The following RAB38 variants were observed in gnomAD, a reference collection of about 807,000 sequenced individuals.
RAB38 encodes the protein RAB38, member RAS oncogene family, also known as ras-related protein Rab-38.
A neutral mutation model predicts 18.4 loss-of-function variants in RAB38; 15 were observed. The ratio of observed to expected loss-of-function variants is 0.82; its 90% CI spans 0.55 to 1.26. RAB38 has a LOEUF of 1.26. RAB38 is among the 50% of genes most tolerant of loss of function. The pLI is 0.00. For missense variants in RAB38, 294 were observed against 267.4 expected, an observed-to-expected ratio of 1.10 and a Z score of -0.69; for synonymous variants, 101 against 104.4, an observed-to-expected ratio of 0.97 and a Z score of 0.20.
At chr11:88,145,045 G>A (rs1242100513) in intron 2 of RAB38, among the ~76,000 whole-genome samples, 2 of 152,140 alleles carry the variant, frequency 1.3e-5, no homozygotes, top group Non-Finnish European at 2.9e-5. Context: ...CGTATGGGCT[G>A]TGGGTAGAGA....
At chr11:87,930,249 T>C in the RAB38 span, among the ~76,000 whole-genome samples, 1 of 152,210 alleles carries the variant, frequency 6.6e-6, no homozygotes, top group African/African-American at 2.4e-5. Context: ...TTTTTAATGA[T>C]CGCCATTCTA....
intron 2 of RAB38, among the ~76,000 whole-genome samples, chr11:88,131,210 T>G (rs1284943823): frequency 6.6e-6 from 1 of 152,204 alleles, no homozygotes; most frequent in Non-Finnish European, 1.5e-5. Flanking sequence ...TAGTTCACCA[T>G]AGAAATCCTT....
chr11:87,880,951 G>T, the RAB38 span, among the ~76,000 whole-genome samples: 20 of 151,928 alleles, frequency 1.3e-4, no homozygotes, highest in African/African-American at 4.3e-4. Flanking sequence ...ATCAACTAGT[G>T]CTGAGTGCTA....
the RAB38 span, among the ~76,000 whole-genome samples, chr11:87,869,753 C>T: frequency 1.3e-5 from 2 of 151,594 alleles, no homozygotes; most frequent in East Asian, 3.9e-4. Flanking sequence ...ATCCCATCTA[C>T]ACAACACAGC....
At chr11:87,903,087 T>C in the RAB38 span, among the ~76,000 whole-genome samples, 1 of 151,314 alleles carries the variant, frequency 6.6e-6, no homozygotes, top group Non-Finnish European at 1.5e-5. Context: ...CCTAATTACA[T>C]TAACTAGAAT....
At chr11:87,857,954 A>G in the RAB38 span, among the ~76,000 whole-genome samples, 1 of 152,254 alleles carries the variant, frequency 6.6e-6, no homozygotes, top group East Asian at 1.9e-4. Context: ...TATGTCCTGA[A>G]TGCTATTGCC....
At chr11:88,103,906 C>T in the RAB38 span, among the ~76,000 whole-genome samples, 1 of 152,090 alleles carries the variant, frequency 6.6e-6, no homozygotes, top group Non-Finnish European at 1.5e-5. Flanking sequence ...AGACAAGTGT[C>T]CTTCCTTACC....
chr11:87,820,050 T>TTTAATTTTTTTTTTACATTA, the RAB38 span, among the ~76,000 whole-genome samples: 1 of 152,066 alleles, frequency 6.6e-6, no homozygotes. Context: ...TAAAAATAAG[T>TTTAATTTTTTTTTTACATTA]TTACATTATT....
chr11:88,160,744 A>G (rs1943179829), intron 1 of RAB38, among the ~76,000 whole-genome samples: 1 of 152,136 alleles, frequency 6.6e-6, no homozygotes, highest in Non-Finnish European at 1.5e-5. Context: ...AAAACTAAAT[A>G]CTGCATGTCC....
At chr11:87,918,208 A>G in the RAB38 span, among the ~76,000 whole-genome samples, 4 of 152,240 alleles carry the variant, frequency 2.6e-5, no homozygotes, top group East Asian at 1.9e-4. Flanking sequence ...TGTTGTCACA[A>G]TGACAGAATT....
At chr11:88,127,445 T>C (rs552126079) in intron 2 of RAB38, among the ~76,000 whole-genome samples, 1 of 152,208 alleles carries the variant, frequency 6.6e-6, no homozygotes, top group African/African-American at 2.4e-5. Flanking sequence ...AGAGAGCTAA[T>C]GTTCCTCTTC....
chr11:88,030,456 G>C, the RAB38 span, among the ~76,000 whole-genome samples: 3 of 151,900 alleles, frequency 2.0e-5, no homozygotes, highest in Non-Finnish European at 4.4e-5. Flanking sequence ...TTTTTGAAAG[G>C]ATCAACAAAA....
the RAB38 span, among the ~76,000 whole-genome samples, chr11:88,072,273 C>T: frequency 1.7e-3 from 264 of 152,300 alleles, 10 homozygotes; most frequent in South Asian, 0.054. Context: ...AACAGATCCT[C>T]ACTGTGTTCA....
chr11:88,166,810 CTAAATTA>C (rs985190439), intron 1 of RAB38: 1 of 151,954 alleles, frequency 6.6e-6, no homozygotes, highest in Admixed American at 6.6e-5. Flanking sequence ...TTTCTCAATT[CTAAATTA>C]TACTTTTATA....
chr11:88,064,811 T>C, the RAB38 span, among the ~76,000 whole-genome samples: 1 of 152,208 alleles, frequency 6.6e-6, no homozygotes, highest in East Asian at 1.9e-4. Context: ...TTTTATTCCT[T>C]AGATATTTAA....
chr11:88,027,088 T>A, the RAB38 span, among the ~76,000 whole-genome samples: 3 of 152,188 alleles, frequency 2.0e-5, no homozygotes, highest in East Asian at 3.8e-4. Context: ...ACCATTAAAA[T>A]AAAATAAACG....
chr11:88,019,459 C>T, the RAB38 span, among the ~76,000 whole-genome samples: 6 of 152,224 alleles, frequency 3.9e-5, no homozygotes, highest in Non-Finnish European at 8.8e-5. Flanking sequence ...CTGCAACTTG[C>T]AATAGCCTTC....
the RAB38 span, among the ~76,000 whole-genome samples, chr11:88,076,551 A>C: frequency 2.0e-5 from 3 of 152,212 alleles, no homozygotes; most frequent in Non-Finnish European, 4.4e-5. Flanking sequence ...AACCGATAGA[A>C]CTGATAAATG....
At chr11:88,152,443 G>A (rs575927801) in intron 1 of RAB38, among the ~76,000 whole-genome samples, 23 of 152,330 alleles carry the variant, frequency 1.5e-4, no homozygotes, top group African/African-American at 5.1e-4. Flanking sequence ...ATATATATGT[G>A]TGTGTGTTTG....
Sources: allele counts gnomAD v4.1 joint callset (sites outside exome capture counted in the v4.1 genomes callset), GRCh38; gene constraint gnomAD v4.1.1; transcripts MANE v1.5; gene names NCBI Gene and HGNC (gene_info 2026-07-23, HGNC 2026-07-21).